NOX3: variants seen among roughly 807,000 people sequenced by gnomAD.
NOX3 encodes NADPH oxidase 3, also known as NADPH oxidase catalytic subunit-like 3.
NOX3 carries 74 observed loss-of-function variants against 76.7 expected under a neutral mutation model. The observed-to-expected ratio is 0.96, with a 90% CI of 0.80 to 1.17. NOX3 has a LOEUF of 1.17. Ranked by LOEUF, NOX3 falls within the 50% of genes most tolerant of loss-of-function variation. NOX3 has a pLI of 0.00. For synonymous variants in NOX3, 263 were observed against 261.1 expected, an observed-to-expected ratio of 1.01 and a Z score of -0.07; for missense variants, 695 against 703.3, an observed-to-expected ratio of 0.99 and a Z score of 0.13.
At chr6:155,436,084 G>A (rs1385077313) in intron 7 of NOX3, among the ~76,000 whole-genome samples, 1 of 152,192 alleles carries the variant, frequency 6.6e-6, no homozygotes, top group Non-Finnish European at 1.5e-5. Flanking sequence ...TTATGCAGAG[G>A]ACAGGTGGCT....
intron 11 of NOX3, among the ~76,000 whole-genome samples, chr6:155,410,648 C>T (rs988282753): frequency 7.2e-5 from 11 of 152,006 alleles, no homozygotes; most frequent in African/African-American, 2.4e-4. Flanking sequence ...GAACACCTGC[C>T]AAAACAAAAG....
chr6:155,417,556 G>T (rs1296696704), intron 10 of NOX3, among the ~76,000 whole-genome samples: 1 of 152,170 alleles, frequency 6.6e-6, no homozygotes, highest in Non-Finnish European at 1.5e-5. Context: ...AAGACAAGAA[G>T]CATACATTTC....
intron 10 of NOX3, among the ~76,000 whole-genome samples, chr6:155,421,209 T>A (rs1216586535): frequency 6.6e-6 from 1 of 152,220 alleles, no homozygotes; most frequent in African/African-American, 2.4e-5. Context: ...TAAGTTTGAA[T>A]CCTGATTCTG....
intron 9 of NOX3, among the ~76,000 whole-genome samples, chr6:155,423,521 G>A (rs1414789554): frequency 2.0e-5 from 3 of 152,114 alleles, no homozygotes; most frequent in Non-Finnish European, 4.4e-5. Context: ...TAAGGATAAA[G>A]TATATTCATT....
At chr6:155,405,879 A>G (rs1300166491) in intron 12 of NOX3, among the ~76,000 whole-genome samples, 7 of 152,128 alleles carry the variant, frequency 4.6e-5, no homozygotes, top group African/African-American at 1.4e-4. Context: ...ACGTCACTCT[A>G]CTGCTCAAAC....
chr6:155,436,092 G>T (rs948160862), intron 7 of NOX3, among the ~76,000 whole-genome samples: 5 of 152,186 alleles, frequency 3.3e-5, no homozygotes, highest in African/African-American at 9.7e-5. Context: ...AGGACAGGTG[G>T]CTAAGGATGC....
chr6:155,414,949 A>T (rs1776605839), intron 10 of NOX3, among the ~76,000 whole-genome samples: 1 of 152,066 alleles, frequency 6.6e-6, no homozygotes, highest in Non-Finnish European at 1.5e-5. Flanking sequence ...GATATAGTGG[A>T]TGCCTAGATG....
intron 10 of NOX3, among the ~76,000 whole-genome samples, chr6:155,412,830 T>C (rs1008648768): frequency 1.3e-5 from 2 of 152,214 alleles, no homozygotes; most frequent in African/African-American, 2.4e-5. Flanking sequence ...TCTGGAACTA[T>C]ACAAGTGAAC....
rs981541924 is a variant in NOX3, at chr6:155,440,133, G to A, written c.491C>T (p.Thr164Ile). The A allele has an allele frequency of 1.9e-6, 3 of 1,554,368 alleles. No individual in the cohort carries two copies. The African/African-American group carries it at 4.2e-5, about 22-fold the overall frequency. Residue 164 changes from threonine to isoleucine, a missense_variant, in exon 6 of 14, where the codon ACA (threonine) becomes ATA (isoleucine). Coordinates refer to ENST00000159060, the MANE Select transcript of NOX3 (RefSeq NM_015718.3). ...LNPVRTFPTN[T>I]TTELLRTIAG... ...TATTGTCCTTAGCAATTCAGTGGTT[G>A]TGTTCTAAAAAAAACAACAACAACA... is the stretch of plus-strand genomic sequence containing the variant.
intron 4 of NOX3, among the ~76,000 whole-genome samples, chr6:155,452,735 C>T (rs1047355740): frequency 5.9e-5 from 9 of 152,042 alleles, no homozygotes; most frequent in Non-Finnish European, 7.4e-5. Context: ...AACTCCTTAT[C>T]GCTCAGATAG....
intron 9 of NOX3, 79 bp from the exon 10 acceptor site, chr6:155,422,935 CTT>C: frequency 6.9e-7 from 1 of 1,459,698 alleles, no homozygotes; most frequent in Non-Finnish European, 9.5e-7. Flanking sequence ...GGAGCTGGTG[CTT>C]TTTACAGGAC....
intron 11 of NOX3, among the ~76,000 whole-genome samples, chr6:155,410,714 T>C (rs1351737149): frequency 6.6e-6 from 1 of 152,224 alleles, no homozygotes; most frequent in Non-Finnish European, 1.5e-5. Flanking sequence ...AAGAACACCT[T>C]AAGAGAACAA....
In NOX3 at chr6:155,395,517, C is replaced by T. The variant is rs1779126416; in HGVS notation, c.*85G>A. The T allele has an allele frequency of 6.6e-6, 1 of 152,186 alleles. No homozygotes were observed. The highest frequency in any genetic ancestry group is 1.5e-5 in the Non-Finnish European group (1 of 68,032). 9.4% of individuals were successfully genotyped at this position (152,186 alleles called of 1,614,324 possible). Reference sequence around the variant, plus strand: ...GTTCCCAACTGGGAGCTCATATCAACAGGCCGTCACAGGAATTCCTGGTGG... The same window carrying T: ...GTTCCCAACTGGGAGCTCATATCAATAGGCCGTCACAGGAATTCCTGGTGG... On this transcript the variant is annotated 3_prime_UTR_variant, in exon 14 of 14. Coordinates refer to ENST00000159060, the MANE Select transcript of NOX3 (RefSeq NM_015718.3).
At chr6:155,398,416 A>G (rs1286264187) in intron 12 of NOX3, among the ~76,000 whole-genome samples, 1 of 152,220 alleles carries the variant, frequency 6.6e-6, no homozygotes, top group African/African-American at 2.4e-5. Context: ...AGTTCTTCTT[A>G]GCTCATATGT....
At chr6:155,440,696 A>C (rs1776973636) in intron 5 of NOX3, among the ~76,000 whole-genome samples, 2 of 152,126 alleles carry the variant, frequency 1.3e-5, no homozygotes, top group South Asian at 2.1e-4. Context: ...AAAAAAAAAA[A>C]ACCAAAGTGA....
chr6:155,419,957 T>C (rs966448917), intron 10 of NOX3, among the ~76,000 whole-genome samples: 4 of 152,186 alleles, frequency 2.6e-5, no homozygotes, highest in Non-Finnish European at 4.4e-5. Flanking sequence ...TTTGGACATG[T>C]AGACATTTAT....
At chr6:155,436,099 A>G (rs1489782924) in intron 7 of NOX3, among the ~76,000 whole-genome samples, 1 of 152,174 alleles carries the variant, frequency 6.6e-6, no homozygotes, top group East Asian at 1.9e-4. Flanking sequence ...GTGGCTAAGG[A>G]TGCAGGGAGC....
At chr6:155,417,763 GT>G (rs1453294380) in intron 10 of NOX3, among the ~76,000 whole-genome samples, 1 of 151,976 alleles carries the variant, frequency 6.6e-6, no homozygotes, top group Non-Finnish European at 1.5e-5. Context: ...GCCCTCCTTT[GT>G]TTTATTAATA....
At chr6:155,421,041 G>A (rs1160321613) in intron 10 of NOX3, among the ~76,000 whole-genome samples, 1 of 152,148 alleles carries the variant, frequency 6.6e-6, no homozygotes, top group Non-Finnish European at 1.5e-5. Flanking sequence ...CAGTCAGGGT[G>A]GAATCAGGCA....
Sources: gnomAD v4.1 joint callset for allele counts (sites outside exome capture counted in the v4.1 genomes callset) on GRCh38, gnomAD v4.1.1 for gene constraint, MANE v1.5 for transcripts, NCBI Gene and HGNC (gene_info 2026-07-23, HGNC 2026-07-21) for gene names.